Variants in PCNX2 observed in about 807,000 individuals in gnomAD.
PCNX2 encodes the protein pecanex-like protein 2.
In PCNX2, 168 loss-of-function variants were observed where a neutral mutation model predicts 223.8. That is an observed-to-expected ratio of 0.75 (90% CI 0.66 to 0.85). The LOEUF is 0.85. Among genes scored for constraint, PCNX2 ranks in the 40% least tolerant of loss-of-function variants. The pLI, the probability that PCNX2 is intolerant of heterozygous loss-of-function variation, is 0.00. For missense variants in PCNX2, 2,507 were observed against 2,675.5 expected (o/e 0.94, Z 1.39); for synonymous variants, 1,006 against 1,052.6 (o/e 0.96, Z 0.86).
intron 21 of PCNX2, among the ~76,000 whole-genome samples, chr1:233,113,794 C>T (rs1195711927): frequency 6.6e-6 from 1 of 152,196 alleles, no homozygotes; most frequent in Non-Finnish European, 1.5e-5. Context: ...ATGTGTTTTG[C>T]CTATGCAGTG....
At chr1:233,301,097 T>G in the PCNX2 span, among the ~76,000 whole-genome samples, 1 of 152,184 alleles carries the variant, frequency 6.6e-6, no homozygotes, top group Non-Finnish European at 1.5e-5. Flanking sequence ...CTGCTAATCC[T>G]CATATATGTA....
At chr1:233,116,891 C>G (rs1439575334) in intron 21 of PCNX2, among the ~76,000 whole-genome samples, 1 of 151,948 alleles carries the variant, frequency 6.6e-6, no homozygotes, top group Non-Finnish European at 1.5e-5. Context: ...ATTAAGAAAT[C>G]TCTAGAAAGA....
In PCNX2 at chr1:233,016,962, A is replaced by T; in HGVS notation, c.4798T>A (p.Tyr1600Asn). The T allele has an allele frequency of 6.2e-7, 1 of 1,613,506 alleles. No individual in the cohort carries two copies. Among genetic ancestry groups the T allele is most frequent in the Non-Finnish European group, 8.5e-7 (1 of 1,179,456 alleles). Residue 1600 changes from tyrosine to asparagine, a missense_variant, in exon 27 of 34, where the codon TAT (tyrosine) becomes AAT (asparagine). Coordinates refer to ENST00000258229, the MANE Select transcript of PCNX2 (RefSeq NM_014801.4). ...GITRASFCNVYLEWIQHCARK... is the reference protein window; with the variant it reads ...GITRASFCNVNLEWIQHCARK... ...GCACAGTGTTGAATCCATTCTAGAT[A>T]AACATTGCAGAAGCTAGCTCGTGTG...
chr1:233,035,161 G>A (rs776169782), intron 25 of PCNX2, among the ~76,000 whole-genome samples: 1 of 152,178 alleles, frequency 6.6e-6, no homozygotes, highest in African/African-American at 2.4e-5. Flanking sequence ...GAAAGAAAAG[G>A]TTGGGATGAT....
Position 233,160,364 on chromosome 1 carries a change from G to T in PCNX2, c.3436C>A (p.Gln1146Lys), listed in dbSNP as rs1400173882. The part of the protein sequence containing the change: ...VGFVTHYVLP[Q>K]LRKHHPWMWI... ...ATCCAGGGATGATGCTTGCGGAGCT[G>T]AGGGAGCACGTAATGTGTTACAAAC... Residue 1146 changes from glutamine (Q) to lysine (K), a missense_variant, in exon 19 of 34, where the codon CAG becomes AAG. Physicochemically the swap from Gln to Lys is moderately conservative, Grantham distance 53 (BLOSUM62 1). Transcript: ENST00000258229. 6.2e-7 allele frequency: 1 copy of T among 1,613,430 alleles called. No homozygotes were observed. Among genetic ancestry groups the T allele is most frequent in the East Asian group, 2.2e-5 (1 of 44,870 alleles).
chr1:233,118,064 G>A (rs989733317), intron 21 of PCNX2, among the ~76,000 whole-genome samples: 1 of 151,930 alleles, frequency 6.6e-6, no homozygotes, highest in African/African-American at 2.4e-5. Flanking sequence ...TTGTTTCAGG[G>A]ATGCAAGGTT....
chr1:233,232,741 A>C (rs978380631), intron 9 of PCNX2: 5 of 908,540 alleles, frequency 5.5e-6, no homozygotes, highest in Middle Eastern at 1.1e-3. Flanking sequence ...TTGTGATGTA[A>C]ATGCTACCTT....
chr1:233,192,194 A>T (rs932082197), intron 15 of PCNX2, among the ~76,000 whole-genome samples: 1 of 152,302 alleles, frequency 6.6e-6, no homozygotes, highest in South Asian at 2.1e-4. Flanking sequence ...TCTAACATCA[A>T]TGTGGGCAGC....
At chr1:233,293,451 A>G (rs1336190308) in intron 1 of PCNX2, among the ~76,000 whole-genome samples, 1 of 152,246 alleles carries the variant, frequency 6.6e-6, no homozygotes, top group Non-Finnish European at 1.5e-5. Context: ...CCCTCAAAAA[A>G]GCTTATGATC....
Position 233,161,318 on chromosome 1 carries a change from C to T in PCNX2, c.3319G>A (p.Val1107Ile), listed in dbSNP as rs1401631705. The T allele has an allele frequency of 6.2e-7, 1 of 1,613,908 alleles. No homozygotes were observed. Residue 1107 changes from valine to isoleucine, a missense_variant, in exon 18 of 34, where the codon GTC becomes ATC. Physicochemically the swap from Val to Ile is conservative, Grantham distance 29. Around this residue, in one of 3 missense-constraint regions of PCNX2, gnomAD observed 1,372 missense variants for 1,509.4 expected, o/e 0.91. Coordinates refer to ENST00000258229, the MANE Select transcript of PCNX2 (RefSeq NM_014801.4). ...CTGGCGCTGACTGCAAATGAGAGGA[C>T]AGCAACCACTGCGCAGACGATGAGA... is the stretch of plus-strand genomic sequence containing the variant. Reference protein sequence around the residue: ...WDLIVCAVVAVLSFAVSASTV... With the variant: ...WDLIVCAVVAILSFAVSASTV...
At chr1:233,041,054 A>G (rs766180231) in intron 25 of PCNX2, among the ~76,000 whole-genome samples, 12 of 151,542 alleles carry the variant, frequency 7.9e-5, no homozygotes, top group African/African-American at 1.2e-4. Context: ...CTCAGCTTAC[A>G]CTCCATGGCC....
chr1:233,053,457 G>A (rs922707297), intron 25 of PCNX2, among the ~76,000 whole-genome samples: 8 of 152,090 alleles, frequency 5.3e-5, no homozygotes, highest in Admixed American at 5.2e-4. Context: ...CATAGCACCT[G>A]CTCCAAGCTA....
intron 28 of PCNX2, among the ~76,000 whole-genome samples, chr1:233,003,158 A>G (rs1449247525): frequency 6.6e-6 from 1 of 152,232 alleles, no homozygotes; most frequent in Non-Finnish European, 1.5e-5. Context: ...GACAAATGGG[A>G]TCTAATTAAA....
At chr1:233,166,167 A>G (rs1394778199) in intron 17 of PCNX2, among the ~76,000 whole-genome samples, 2 of 151,930 alleles carry the variant, frequency 1.3e-5, no homozygotes, top group African/African-American at 2.4e-5. Context: ...GAACAATGGA[A>G]TAGCCAACTA....
intron 28 of PCNX2, among the ~76,000 whole-genome samples, chr1:233,012,769 T>C (rs1670512262): frequency 6.6e-6 from 1 of 152,220 alleles, no homozygotes; most frequent in South Asian, 2.1e-4. Flanking sequence ...CTGAAAAAGC[T>C]TTTGAAAATG....
At chr1:233,299,536 G>A (rs896784600), upstream of PCNX2, among the ~76,000 whole-genome samples, 5 of 152,212 alleles carry the variant, frequency 3.3e-5, no homozygotes, top group Admixed American at 1.3e-4. Flanking sequence ...AGGACTGGAA[G>A]AACAGTGGGA....
At chr1:233,055,760 G>A (rs944989342) in intron 24 of PCNX2, among the ~76,000 whole-genome samples, 3 of 152,142 alleles carry the variant, frequency 2.0e-5, no homozygotes, top group African/African-American at 4.8e-5. Flanking sequence ...CTCCTGGATC[G>A]TCTATTTGAG....
Position 233,295,242 on chromosome 1 carries a change from T to G in PCNX2, c.153+84A>C. 178 of 1,532,122 alleles carry G rather than the reference T, an allele frequency of 1.2e-4. No individual in the cohort carries two copies. Among genetic ancestry groups the G allele is most frequent in the Non-Finnish European group, 1.4e-4 (154 of 1,131,110 alleles). 94.9% of individuals were successfully genotyped at this position (1,532,122 alleles called of 1,614,324 possible). A position where few individuals can be genotyped will look rare whatever the true frequency, so the allele number is the denominator to read the frequency against. On this transcript the variant is annotated intron_variant, in intron 1 of 33. Coordinates refer to ENST00000258229, the MANE Select transcript of PCNX2 (RefSeq NM_014801.4). This position sits in a 1 kb window ranked among gnomAD's most constrained non-coding sequence, Gnocchi z 4.1. Reference sequence around the variant, plus strand: ...GAATCTCTACGAACCCGAAAGCCCGTGAGGCTGATGGCACGTCTGTGGTTC... The same window carrying G: ...GAATCTCTACGAACCCGAAAGCCCGGGAGGCTGATGGCACGTCTGTGGTTC...
In PCNX2 at chr1:233,139,629, T is replaced by G; in HGVS notation, c.3659+85A>C. Reference sequence around the variant, plus strand: ...CAATCACAGTCGGTAAAGGTTGGCTTCTTCTGCAGATTGTTTACAGAAAAT... The same window carrying G: ...CAATCACAGTCGGTAAAGGTTGGCTGCTTCTGCAGATTGTTTACAGAAAAT... On this transcript the variant is annotated intron_variant, in intron 20 of 33. Coordinates refer to ENST00000258229, the MANE Select transcript of PCNX2 (RefSeq NM_014801.4). This position sits in a 1 kb window ranked among gnomAD's most constrained non-coding sequence, Gnocchi z 4.4. 4 of 1,463,606 alleles carry G rather than the reference T, an allele frequency of 2.7e-6. No individual in the cohort carries two copies. Among genetic ancestry groups the G allele is most frequent in the Non-Finnish European group, 3.7e-6 (4 of 1,087,982 alleles). 90.7% of individuals were successfully genotyped at this position (1,463,606 alleles called of 1,614,324 possible).
Sources: gnomAD v4.1 joint callset for allele counts (sites outside exome capture counted in the v4.1 genomes callset) on GRCh38, gnomAD v4.1.1 for gene constraint, gnomAD v4.1.1 regional missense constraint, Gnocchi (gnomAD v3.1) non-coding constraint, MANE v1.5 for transcripts, NCBI Gene and HGNC (gene_info 2026-07-23, HGNC 2026-07-21) for gene names.